IGSF11: variants seen among roughly 807,000 people sequenced by gnomAD.
IGSF11 encodes immunoglobulin superfamily member 11.
Under a neutral mutation model 41.0 loss-of-function variants are expected in IGSF11, and 22 were observed. That is an observed-to-expected ratio of 0.54 (90% CI 0.38 to 0.77). The LOEUF (loss-of-function observed/expected upper bound fraction) is 0.77, where lower values mean the gene tolerates loss of function less well. Ranked by LOEUF, IGSF11 falls within the 30% of genes least tolerant of loss-of-function variation. The probability of loss-of-function intolerance (pLI) is 0.00; values close to 1 mark genes in which losing one functional copy is unlikely to be tolerated. For missense variants in IGSF11, 444 were observed against 530.8 expected (o/e 0.84, Z 1.61); for synonymous variants, 219 against 201.3 (o/e 1.09, Z -0.74).
intron 1 of IGSF11, among the ~76,000 whole-genome samples, chr3:119,088,283 A>T (rs1192275793): frequency 6.6e-6 from 1 of 152,174 alleles, no homozygotes; most frequent in Non-Finnish European, 1.5e-5. Flanking sequence ...TCTCAAAACT[A>T]CACAAATACA....
intron 1 of IGSF11, among the ~76,000 whole-genome samples, chr3:119,022,282 C>T (rs11915918): frequency 2.4e-4 from 37 of 151,978 alleles, no homozygotes; most frequent in African/African-American, 8.7e-4. Context: ...TAAGTGGAAA[C>T]GGGGAGGTAT....
At chr3:118,926,741 G>A (rs1457264554) in intron 3 of IGSF11, among the ~76,000 whole-genome samples, 1 of 152,128 alleles carries the variant, frequency 6.6e-6, no homozygotes, top group Non-Finnish European at 1.5e-5. Context: ...TCTGCTTTAT[G>A]GTGGAGAAAG....
chr3:119,112,066 G>A (rs1207162120), intron 1 of IGSF11, among the ~76,000 whole-genome samples: 3 of 152,232 alleles, frequency 2.0e-5, no homozygotes, highest in Admixed American at 1.3e-4. Flanking sequence ...TGAGGAGGCA[G>A]TCTGCCCATT....
At position 118,964,484 on chromosome 3, in the gene IGSF11, T is replaced by C. The variant is rs1382268818; in HGVS notation, c.53-34209A>G. ...TCTGAAAACACTAGCTTAAGGTAAG[T>C]ACACACTTTACAGCAAATACACAAA... On this transcript the variant is annotated intron_variant, in intron 1 of 6. Coordinates refer to ENST00000393775, the MANE Select transcript of IGSF11 (RefSeq NM_001015887.3). 2.6e-5 allele frequency among the ~76,000 whole-genome samples: 4 copies of C among 151,954 alleles called. No homozygotes were observed. The East Asian group carries it at 7.7e-4, about 29-fold the overall frequency.
intron 1 of IGSF11, among the ~76,000 whole-genome samples, chr3:118,989,566 G>A (rs760950016): frequency 3.3e-5 from 5 of 152,106 alleles, no homozygotes; most frequent in Non-Finnish European, 7.4e-5. Context: ...ATGTTAGCCA[G>A]GATGGTCTCG....
chr3:118,956,028 A>T (rs1944928372), intron 1 of IGSF11, among the ~76,000 whole-genome samples: 1 of 152,214 alleles, frequency 6.6e-6, no homozygotes, highest in Non-Finnish European at 1.5e-5. Context: ...CTAAATCAGC[A>T]CTTGCTGCTT....
chr3:119,034,854 C>G (rs1940795320), upstream of IGSF11: 10 of 1,216,984 alleles, frequency 8.2e-6, no homozygotes, highest in Admixed American at 4.3e-5. Flanking sequence ...ACTAGCCGAC[C>G]CCTCGCGCAG....
chr3:119,115,265 A>G (rs2077239832), intron 1 of IGSF11, among the ~76,000 whole-genome samples: 1 of 152,214 alleles, frequency 6.6e-6, no homozygotes, highest in African/African-American at 2.4e-5. Flanking sequence ...GTATATACCT[A>G]GCAGTGGGAT....
At chr3:118,964,823 T>C (rs1309659990) in intron 1 of IGSF11, among the ~76,000 whole-genome samples, 2 of 152,208 alleles carry the variant, frequency 1.3e-5, no homozygotes, top group Non-Finnish European at 2.9e-5. Flanking sequence ...AAGCAGTATT[T>C]ATTTTGTCTT....
At chr3:119,076,911 A>G (rs2076509540) in intron 1 of IGSF11, among the ~76,000 whole-genome samples, 1 of 152,182 alleles carries the variant, frequency 6.6e-6, no homozygotes. Context: ...CAGCGATCCC[A>G]TTACTGGGTA....
intron 4 of IGSF11, among the ~76,000 whole-genome samples, chr3:118,924,382 GA>G (rs1034439303): frequency 3.9e-5 from 6 of 151,926 alleles, no homozygotes; most frequent in Admixed American, 1.3e-4. Flanking sequence ...TAAATCTTCT[GA>G]AAAAAATCTA....
At chr3:118,925,499 T>G (rs1942209297) in intron 4 of IGSF11, among the ~76,000 whole-genome samples, 1 of 152,190 alleles carries the variant, frequency 6.6e-6, no homozygotes, top group South Asian at 2.1e-4. Flanking sequence ...TCATTTTATT[T>G]GACAAAATCT....
At chr3:119,035,026 C>G (rs1321515610), upstream of IGSF11, 1 of 171,012 alleles carries the variant, frequency 5.8e-6, no homozygotes, top group Non-Finnish European at 1.2e-5. Context: ...GCAGCTGGCG[C>G]GGCCCCCGCC....
intron 1 of IGSF11, among the ~76,000 whole-genome samples, chr3:119,123,480 AT>A (rs2077360396): frequency 6.6e-6 from 1 of 152,216 alleles, no homozygotes; most frequent in African/African-American, 2.4e-5. Context: ...CCACCTGCTG[AT>A]TGTACAGCCC....
intron 1 of IGSF11, among the ~76,000 whole-genome samples, chr3:119,114,484 C>A (rs1283164101): frequency 6.6e-6 from 1 of 152,190 alleles, no homozygotes; most frequent in African/African-American, 2.4e-5. Context: ...ATCCCTAGGG[C>A]AGAGGCACAA....
At chr3:119,004,207 G>A (rs1487005006) in intron 1 of IGSF11, among the ~76,000 whole-genome samples, 4 of 149,798 alleles carry the variant, frequency 2.7e-5, no homozygotes, top group African/African-American at 9.9e-5. Flanking sequence ...TGTATGTGTC[G>A]AGGAATGTAT....
At chr3:119,029,142 T>G (rs1466676437) in intron 1 of IGSF11, among the ~76,000 whole-genome samples, 2 of 148,764 alleles carry the variant, frequency 1.3e-5, no homozygotes, top group Non-Finnish European at 3.0e-5. Context: ...GTGCCCAGCA[T>G]GGTAGACATG....
intron 1 of IGSF11, among the ~76,000 whole-genome samples, chr3:119,003,438 C>T (rs1937116568): frequency 1.3e-5 from 2 of 150,778 alleles, no homozygotes; most frequent in South Asian, 4.2e-4. Context: ...ATTTGACTTC[C>T]TCTTTTCCTA....
chr3:119,140,217 A>G (rs1379233278), intron 1 of IGSF11, among the ~76,000 whole-genome samples: 1 of 152,180 alleles, frequency 6.6e-6, no homozygotes, highest in East Asian at 1.9e-4. Context: ...CACTACGTAT[A>G]TACTGTCTAC....
Sources: allele counts gnomAD v4.1 joint callset (sites outside exome capture counted in the v4.1 genomes callset), GRCh38; gene constraint gnomAD v4.1.1; transcripts MANE v1.5; gene names NCBI Gene and HGNC (gene_info 2026-07-23, HGNC 2026-07-21).